KCNK10: variants seen among roughly 807,000 people sequenced by gnomAD.
KCNK10 encodes the protein potassium channel subfamily K member 10.
A neutral mutation model predicts 47.7 loss-of-function variants in KCNK10; 25 were observed. The observed-to-expected ratio is 0.52, with a 90% CI of 0.38 to 0.73. KCNK10 has a LOEUF of 0.73. KCNK10 is among the 30% of genes least tolerant of loss of function. The pLI, the probability that KCNK10 is intolerant of heterozygous loss-of-function variation, is 0.00. For synonymous variants in KCNK10, 303 were observed against 285.6 expected, an observed-to-expected ratio of 1.06 and a Z score of -0.61; for missense variants, 563 against 714.5, an observed-to-expected ratio of 0.79 and a Z score of 2.42.
intron 2 of KCNK10, among the ~76,000 whole-genome samples, chr14:88,256,894 A>G (rs1440015081): frequency 6.6e-6 from 1 of 152,140 alleles, no homozygotes; most frequent in South Asian, 2.1e-4. Context: ...ACAGGTAGAC[A>G]CCGTGATCGC....
intron 2 of KCNK10, among the ~76,000 whole-genome samples, chr14:88,254,085 G>A (rs1886876285): frequency 6.6e-6 from 1 of 152,118 alleles, no homozygotes; most frequent in Admixed American, 6.5e-5. Flanking sequence ...CCCCAGCCAT[G>A]CAGATGAAGG....
At chr14:88,214,571 G>A (rs1458434081) in intron 4 of KCNK10, among the ~76,000 whole-genome samples, 1 of 152,182 alleles carries the variant, frequency 6.6e-6, no homozygotes, top group Non-Finnish European at 1.5e-5. Context: ...GTCCTATAGT[G>A]ATACCAGAAT....
intron 1 of KCNK10, among the ~76,000 whole-genome samples, chr14:88,268,281 C>T (rs1212307137): frequency 2.0e-5 from 3 of 152,218 alleles, no homozygotes; most frequent in Admixed American, 1.3e-4. Flanking sequence ...CAGACACTGG[C>T]TGGGAGCAGC....
intron 1 of KCNK10, among the ~76,000 whole-genome samples, chr14:88,305,208 A>AAAG (rs780121523): frequency 2.0e-4 from 31 of 152,170 alleles, no homozygotes; most frequent in African/African-American, 5.5e-4. Flanking sequence ...TCGAAAAAAA[A>AAAG]AAGAAGAAGA....
intron 2 of KCNK10, among the ~76,000 whole-genome samples, chr14:88,242,315 T>C (rs1027680774): frequency 2.0e-5 from 3 of 152,214 alleles, no homozygotes; most frequent in African/African-American, 7.2e-5. Context: ...AAGGGTCAGA[T>C]AGTAAATATT....
Position 88,182,458 on chromosome 14 carries a change from A to G in KCNK10, c.*3077T>C, listed in dbSNP as rs1884404322. ...AAAAGGTAACATTCAAGTAACTTCAAACCAACTGGCCTCCTCCAAAATTAG... is the reference window on the plus strand; with the variant it reads ...AAAAGGTAACATTCAAGTAACTTCAGACCAACTGGCCTCCTCCAAAATTAG... On this transcript the variant is annotated 3_prime_UTR_variant, in exon 7 of 7. Coordinates refer to ENST00000319231, the MANE Select transcript of KCNK10 (RefSeq NM_138317.3). 1 of 152,324 alleles carries G rather than the reference A, an allele frequency of 6.6e-6. No individual in the cohort carries two copies. The highest frequency in any genetic ancestry group is 1.5e-5 in the Non-Finnish European group (1 of 68,024). 9.4% of individuals were successfully genotyped at this position (152,324 alleles called of 1,614,324 possible).
intron 3 of KCNK10, among the ~76,000 whole-genome samples, chr14:88,227,781 A>G (rs1776115714): frequency 6.6e-6 from 1 of 152,188 alleles, no homozygotes; most frequent in South Asian, 2.1e-4. Context: ...GTCACTCAGA[A>G]CTTTCATTTT....
chr14:88,287,674 GGTGTGTGTGTGTGTGTGT>G (rs199702993), intron 1 of KCNK10, among the ~76,000 whole-genome samples: 2,407 of 141,622 alleles, frequency 0.017, 61 homozygotes, highest in African/African-American at 0.051. Flanking sequence ...AGTATTCCAT[GGTGTGTGTGTGTGTGTGT>G]GTGTGTGTGT....
chr14:88,256,135 T>G (rs11621650), intron 2 of KCNK10, among the ~76,000 whole-genome samples: 31,448 of 152,142 alleles, frequency 0.21, 3,454 homozygotes, highest in East Asian at 0.39. Flanking sequence ...TTAAGCGGCT[T>G]GCCCTAGGAC....
intron 3 of KCNK10, among the ~76,000 whole-genome samples, chr14:88,238,744 T>C (rs2139887152): frequency 6.6e-6 from 1 of 152,354 alleles, no homozygotes; most frequent in East Asian, 1.9e-4. Flanking sequence ...GAGACTTAGC[T>C]GTTGGCCTGT....
intron 3 of KCNK10, among the ~76,000 whole-genome samples, chr14:88,238,127 C>T (rs561365824): frequency 1.3e-5 from 2 of 152,166 alleles, no homozygotes; most frequent in South Asian, 4.2e-4. Context: ...GGTCTTCTTA[C>T]CTTAAATGTC....
At chr14:88,219,418 C>T (rs1455264557) in intron 4 of KCNK10, among the ~76,000 whole-genome samples, 1 of 152,218 alleles carries the variant, frequency 6.6e-6, no homozygotes, top group East Asian at 1.9e-4. Flanking sequence ...CTGTTTCCCC[C>T]ACCCTATCTA....
intron 1 of KCNK10, among the ~76,000 whole-genome samples, chr14:88,299,346 C>T (rs1018347184): frequency 6.6e-6 from 1 of 152,166 alleles, no homozygotes; most frequent in Non-Finnish European, 1.5e-5. Context: ...AGAGATTGGA[C>T]CTGTCAGGCC....
chr14:88,216,579 A>G (rs1377204198), intron 4 of KCNK10, among the ~76,000 whole-genome samples: 1 of 152,202 alleles, frequency 6.6e-6, no homozygotes, highest in Non-Finnish European at 1.5e-5. Flanking sequence ...TGTTAAATGA[A>G]GGGAGGAAAG....
At chr14:88,278,245 T>C (rs1161432247) in intron 1 of KCNK10, among the ~76,000 whole-genome samples, 2 of 152,232 alleles carry the variant, frequency 1.3e-5, no homozygotes, top group Non-Finnish European at 2.9e-5. Flanking sequence ...GCTGCTATAC[T>C]GGTACAGAAG....
intron 1 of KCNK10, among the ~76,000 whole-genome samples, chr14:88,315,783 C>T (rs1888419713): frequency 6.6e-6 from 1 of 152,064 alleles, no homozygotes; most frequent in Non-Finnish European, 1.5e-5. Context: ...ATACCACCAG[C>T]CCCACCACAC....
rs1023525718 is a variant in KCNK10 at position 88,260,420 on chromosome 14, T to C, written c.402+2782A>G. Among the ~76,000 whole-genome samples the C allele has an allele frequency of 1.6e-4, 25 of 152,342 alleles. 1 individual carries two copies. Among genetic ancestry groups the C allele is most frequent in the Admixed American group, 3.9e-4 (6 of 15,302 alleles). ...CGGAACTGTGAATCAATTAAACCTC[T>C]TTTCTTTATAAATTGCTTAGTCTCA... is the stretch of plus-strand genomic sequence containing the variant. On this transcript the variant is annotated intron_variant, in intron 2 of 6. Coordinates refer to ENST00000319231, the MANE Select transcript of KCNK10 (RefSeq NM_138317.3). The surrounding 1 kb of genome is among the most constrained non-coding windows in gnomAD (Gnocchi z 4.5).
intron 1 of KCNK10, among the ~76,000 whole-genome samples, chr14:88,318,058 CA>C (rs1888465383): frequency 6.6e-6 from 1 of 152,186 alleles, no homozygotes; most frequent in African/African-American, 2.4e-5. Context: ...TACTTCGGGT[CA>C]AAGACGAGAA....
chr14:88,226,194 A>C (rs757942492), intron 4 of KCNK10, among the ~76,000 whole-genome samples: 2 of 152,244 alleles, frequency 1.3e-5, no homozygotes, highest in African/African-American at 2.4e-5. Context: ...CCTTTTGTGG[A>C]TGAGTAAACT....
Sources: allele counts gnomAD v4.1 joint callset (sites outside exome capture counted in the v4.1 genomes callset), GRCh38; gene constraint gnomAD v4.1.1; non-coding constraint Gnocchi (gnomAD v3.1); transcripts MANE v1.5; gene names NCBI Gene and HGNC (gene_info 2026-07-23, HGNC 2026-07-21).